The following ZNF143 variants were observed in gnomAD, a reference collection of about 807,000 sequenced individuals.
ZNF143 encodes the protein SPH-binding factor.
In ZNF143, 49 loss-of-function variants were observed where a neutral mutation model predicts 74.1. The observed-to-expected ratio is 0.66, with a 90% CI of 0.53 to 0.84. The LOEUF is 0.84. Ranked by LOEUF, ZNF143 falls within the 40% of genes least tolerant of loss-of-function variation. ZNF143 has a pLI of 0.00. For missense variants in ZNF143, 637 were observed against 793.4 expected (o/e 0.80, Z 2.37); for synonymous variants, 304 against 282.8 (o/e 1.07, Z -0.75).
intron 11 of ZNF143, among the ~76,000 whole-genome samples, chr11:9,501,601 C>G (rs773182799): frequency 1.3e-5 from 2 of 152,112 alleles, no homozygotes; most frequent in Non-Finnish European, 2.9e-5. Flanking sequence ...GGGGAGCAGT[C>G]ACTTCTGCAG....
chr11:9,527,670 A>C lies in ZNF143; in HGVS notation c.*57A>C. On this transcript the variant is annotated 3_prime_UTR_variant, in exon 16 of 16. Coordinates refer to ENST00000396602, the MANE Select transcript of ZNF143 (RefSeq NM_003442.6). ...GAGTCTTTCATCTTCTGGCAGCAGA[A>C]ATCCATGAAGCCCGGGCCCAGGAAA... 6.5e-7 allele frequency: 1 copy of C among 1,539,734 alleles called. No homozygotes were observed. Among genetic ancestry groups the C allele is most frequent in the South Asian group, 1.1e-5 (1 of 88,640 alleles).
rs1368924113 is a variant in ZNF143, at chr11:9,494,556, C to T, written c.646-90C>T. 3 of 1,341,202 alleles carry T rather than the reference C, an allele frequency of 2.2e-6. No homozygotes were observed. The African/African-American group carries it at 4.4e-5, about 20-fold the overall frequency. The allele number at this position is 1,341,202 out of a possible 1,614,324, so 83.1% of individuals were successfully genotyped here. A position where few individuals can be genotyped will look rare whatever the true frequency, so the allele number is the denominator to read the frequency against. On this transcript the variant is annotated intron_variant, in intron 7 of 15. Transcript: ENST00000396602. ...GAACTCCTGGGCTCAAATGATCCGC[C>T]TACCTCTGCCTCCCCATGTGCTAAG...
At chr11:9,469,420 C>G (rs1002484878) in intron 1 of ZNF143, among the ~76,000 whole-genome samples, 1 of 151,668 alleles carries the variant, frequency 6.6e-6, no homozygotes, top group Non-Finnish European at 1.5e-5. Flanking sequence ...TTAGTAGTGA[C>G]GGGGTTTCAC....
At chr11:9,464,201 A>G (rs926026046) in intron 1 of ZNF143, among the ~76,000 whole-genome samples, 4 of 151,926 alleles carry the variant, frequency 2.6e-5, no homozygotes, top group Admixed American at 1.3e-4. Context: ...GCATGATCTC[A>G]GCTCACTGCA....
chr11:9,511,263 C>T (rs1398804970), intron 12 of ZNF143, among the ~76,000 whole-genome samples: 1 of 151,216 alleles, frequency 6.6e-6, no homozygotes, highest in African/African-American at 2.4e-5. Context: ...AGGCATGCTC[C>T]ACCAGGCCCG....
intron 5 of ZNF143, among the ~76,000 whole-genome samples, chr11:9,475,061 A>AT (rs1856796628): frequency 6.6e-6 from 1 of 151,648 alleles, no homozygotes; most frequent in Admixed American, 6.6e-5. Context: ...TAGTTTTTTC[A>AT]TTTTTTGTAG....
intron 14 of ZNF143, among the ~76,000 whole-genome samples, chr11:9,524,065 A>C (rs1028981790): frequency 2.7e-5 from 4 of 148,982 alleles, no homozygotes; most frequent in African/African-American, 9.8e-5. Flanking sequence ...AAAAAAAAAA[A>C]GGATTTGAGG....
At chr11:9,520,781 C>T (rs541135538) in intron 14 of ZNF143, among the ~76,000 whole-genome samples, 3 of 151,934 alleles carry the variant, frequency 2.0e-5, no homozygotes, top group Non-Finnish European at 4.4e-5. Context: ...AGCGAGACTC[C>T]GTCTCAAAAA....
In ZNF143 at chr11:9,480,906, A is replaced by G. The variant is rs181349779; in HGVS notation, c.645+1360A>G. Among the ~76,000 whole-genome samples the G allele has an allele frequency of 7.2e-5, 11 of 152,074 alleles. No individual in the cohort carries two copies. The East Asian group carries it at 2.1e-3, about 29-fold the overall frequency. ...GTCTCAAAAAAAAAAAAAAGAAAAA[A>G]GAAAAAGAAATATTATGCTTCTACG... On this transcript the variant is annotated intron_variant, in intron 7 of 15. Transcript: ENST00000396602.
chr11:9,497,620 G>T (rs1189654974), intron 9 of ZNF143, 55 bp from the exon 10 acceptor site: 3 of 1,368,544 alleles, frequency 2.2e-6, no homozygotes, highest in Admixed American at 2.1e-5. Flanking sequence ...TATTCTCAGT[G>T]TGCATGTTTA....
In ZNF143 at chr11:9,526,455, A is replaced by AC. The variant is rs549555238; in HGVS notation, c.1833+1069_1833+1070insC. Among the ~76,000 whole-genome samples the AC allele has an allele frequency of 6.8e-4, 104 of 152,298 alleles. No individual in the cohort carries two copies. The South Asian group carries it at 0.013, about 19-fold the overall frequency. ...TTTTCCGCCCACGTGTTTACTTGAT[A>AC]AAGAGTTAGAACACACTCCAGGAAA... On this transcript the variant is annotated intron_variant, in intron 15 of 15. Coordinates refer to ENST00000396602, the MANE Select transcript of ZNF143 (RefSeq NM_003442.6).
chr11:9,473,769 T>C (rs1856722387), intron 3 of ZNF143, 172 bp from the exon 4 acceptor site: 1 of 1,532,346 alleles, frequency 6.5e-7, no homozygotes, highest in Non-Finnish European at 8.8e-7. Flanking sequence ...ATTTTCTGCT[T>C]TCTGTAGGAT....
chr11:9,486,443 T>TA (rs1847545111), intron 7 of ZNF143, among the ~76,000 whole-genome samples: 13 of 45,486 alleles, frequency 2.9e-4, no homozygotes, highest in Admixed American at 8.1e-4. Context: ...ATATATAATA[T>TA]ATTATATATA....
chr11:9,492,772 A>T (rs922781788), intron 7 of ZNF143, among the ~76,000 whole-genome samples: 1 of 152,220 alleles, frequency 6.6e-6, no homozygotes, highest in African/African-American at 2.4e-5. Context: ...ATGAAGGCAT[A>T]TAAGACACAG....
intron 10 of ZNF143, among the ~76,000 whole-genome samples, chr11:9,499,356 T>C (rs964275302): frequency 1.3e-5 from 2 of 152,154 alleles, no homozygotes; most frequent in African/African-American, 2.4e-5. Context: ...AGAGGTCATC[T>C]AGATCCAAGA....
intron 13 of ZNF143, among the ~76,000 whole-genome samples, chr11:9,515,052 C>T (rs182952920): frequency 2.0e-4 from 31 of 152,002 alleles, no homozygotes; most frequent in African/African-American, 7.2e-4. Flanking sequence ...TGCTTGAATC[C>T]AGGAAGCAGA....
chr11:9,487,953 T>C (rs1252976072), intron 7 of ZNF143, among the ~76,000 whole-genome samples: 1 of 152,220 alleles, frequency 6.6e-6, no homozygotes, highest in East Asian at 1.9e-4. Context: ...AGCTATTGCT[T>C]TCTATTCCAC....
intron 10 of ZNF143, among the ~76,000 whole-genome samples, chr11:9,499,738 A>G (rs993554484): frequency 1.5e-4 from 23 of 152,152 alleles, no homozygotes; most frequent in African/African-American, 5.6e-4. Context: ...CAAACTTACT[A>G]TATATAGATA....
chr11:9,493,362 G>T (rs544994702), intron 7 of ZNF143, among the ~76,000 whole-genome samples: 1 of 152,056 alleles, frequency 6.6e-6, no homozygotes, highest in Non-Finnish European at 1.5e-5. Context: ...GAGCCACTGC[G>T]CCTGGCCTAT....
Sources: gnomAD v4.1 joint callset for allele counts (sites outside exome capture counted in the v4.1 genomes callset) on GRCh38, gnomAD v4.1.1 for gene constraint, MANE v1.5 for transcripts, NCBI Gene and HGNC (gene_info 2026-07-23, HGNC 2026-07-21) for gene names.